The following SGCD variants were observed in gnomAD, a reference collection of about 807,000 sequenced individuals.
The protein encoded by SGCD is sarcoglycan delta, also known as delta-sarcoglycan.
A neutral mutation model predicts 36.6 loss-of-function variants in SGCD; 18 were observed. That is an observed-to-expected ratio of 0.49 (90% CI 0.34 to 0.73). The LOEUF (loss-of-function observed/expected upper bound fraction) is 0.73, where lower values mean the gene tolerates loss of function less well. Among genes scored for constraint, SGCD ranks in the 30% least tolerant of loss-of-function variants. The pLI is 0.01. For synonymous variants in SGCD, 133 were observed against 130.6 expected (o/e 1.02, Z -0.12); for missense variants, 387 against 346.7 (o/e 1.12, Z -0.92).
chr5:155,847,700 A>G, the SGCD span, among the ~76,000 whole-genome samples: 2 of 152,184 alleles, frequency 1.3e-5, no homozygotes, highest in African/African-American at 4.8e-5. Context: ...AGCCACTTGG[A>G]AAGGCGAAAG....
At chr5:156,514,029 T>C (rs1489539351) in intron 4 of SGCD, among the ~76,000 whole-genome samples, 1 of 152,234 alleles carries the variant, frequency 6.6e-6, no homozygotes, top group Non-Finnish European at 1.5e-5. Context: ...TATACAACTC[T>C]ATGTTTGAAT....
At chr5:156,173,594 A>G (rs1379116720) in intron 3 of SGCD, among the ~76,000 whole-genome samples, 4 of 152,202 alleles carry the variant, frequency 2.6e-5, no homozygotes, top group East Asian at 3.8e-4. Context: ...GTTTCAATAC[A>G]TAAGTTATCA....
At chr5:156,014,289 C>T (rs1026883545) in intron 1 of SGCD, among the ~76,000 whole-genome samples, 1 of 152,034 alleles carries the variant, frequency 6.6e-6, no homozygotes, top group African/African-American at 2.4e-5. Context: ...TAAATGTAGA[C>T]CCCTCTCCTT....
intron 7 of SGCD, among the ~76,000 whole-genome samples, chr5:156,715,864 A>C (rs1179044572): frequency 3.9e-5 from 6 of 152,158 alleles, no homozygotes. Context: ...CCACTGTGCC[A>C]AGGTGTTCTT....
At chr5:155,980,343 T>G (rs957193711) in intron 1 of SGCD, among the ~76,000 whole-genome samples, 1 of 151,888 alleles carries the variant, frequency 6.6e-6, no homozygotes, top group Non-Finnish European at 1.5e-5. Flanking sequence ...CCCAGCACTT[T>G]GGTAGGCCTA....
chr5:156,448,628 A>G (rs1388338837), intron 3 of SGCD, among the ~76,000 whole-genome samples: 2 of 151,572 alleles, frequency 1.3e-5, no homozygotes, highest in Non-Finnish European at 2.9e-5. Flanking sequence ...CCCTCTTGGC[A>G]GTTGCCTGTT....
chr5:155,974,605 T>C (rs1758072772), intron 1 of SGCD, among the ~76,000 whole-genome samples: 1 of 150,414 alleles, frequency 6.6e-6, no homozygotes, highest in Non-Finnish European at 1.5e-5. Context: ...TGCTACTGGC[T>C]GTCCAGTGAG....
At chr5:156,148,405 G>T (rs1399606352) in intron 3 of SGCD, among the ~76,000 whole-genome samples, 2 of 152,094 alleles carry the variant, frequency 1.3e-5, no homozygotes, top group African/African-American at 4.8e-5. Flanking sequence ...GAGTGGTCCT[G>T]GCAGCTGTTT....
chr5:156,478,617 G>T (rs1046970723), intron 3 of SGCD, among the ~76,000 whole-genome samples: 1 of 152,126 alleles, frequency 6.6e-6, no homozygotes, highest in African/African-American at 2.4e-5. Flanking sequence ...GTCTCGCTGT[G>T]TCTCCCAGGC....
At chr5:156,738,955 G>A (rs186954892) in intron 7 of SGCD, among the ~76,000 whole-genome samples, 1 of 152,194 alleles carries the variant, frequency 6.6e-6, no homozygotes, top group African/African-American at 2.4e-5. Flanking sequence ...TGAAGCTCAA[G>A]CTTTAAAGAA....
chr5:155,976,586 T>C (rs1758117513), intron 1 of SGCD, among the ~76,000 whole-genome samples: 1 of 152,220 alleles, frequency 6.6e-6, no homozygotes. Context: ...GTAAGTATTC[T>C]TGTTTTCTTC....
At position 156,358,639 on chromosome 5, in the gene SGCD, G is replaced by A. The variant is rs73815043; in HGVS notation, c.192+13962G>A. 1.2e-3 allele frequency among the ~76,000 whole-genome samples: 188 copies of A among 152,286 alleles called. 2 individuals carry two copies. The highest frequency in any genetic ancestry group is 4.4e-3 in the African/African-American group (184 of 41,546). ...CTATCTGTCTAATGGGGAAGGGATT[G>A]GAATTACTAACACAATCAAATAAAT... On this transcript the variant is annotated intron_variant, in intron 3 of 8. Transcript: ENST00000337851.
chr5:156,752,568 C>T (rs150456842), intron 7 of SGCD, among the ~76,000 whole-genome samples: 90 of 152,090 alleles, frequency 5.9e-4, no homozygotes, highest in African/African-American at 2.1e-3. Context: ...AATTTTTTTC[C>T]ATTTAGTAGA....
intron 3 of SGCD, among the ~76,000 whole-genome samples, chr5:156,319,090 A>T (rs1264674441): frequency 6.6e-6 from 1 of 152,204 alleles, no homozygotes; most frequent in Non-Finnish European, 1.5e-5. Flanking sequence ...TTTACATGAA[A>T]TATATTTCTT....
intron 3 of SGCD, among the ~76,000 whole-genome samples, chr5:156,423,352 T>A (rs1420749016): frequency 4.5e-5 from 1 of 22,346 alleles, no homozygotes; most frequent in African/African-American, 1.5e-4. Context: ...ATATTATAAT[T>A]TTATTATAAT....
At chr5:155,796,700 G>A in the SGCD span, among the ~76,000 whole-genome samples, 1 of 150,848 alleles carries the variant, frequency 6.6e-6, no homozygotes, top group Non-Finnish European at 1.5e-5. Flanking sequence ...CAGCTGCTTG[G>A]GAGGCTGAGG....
intron 3 of SGCD, among the ~76,000 whole-genome samples, chr5:156,196,239 T>C (rs549840808): frequency 9.7e-4 from 148 of 152,314 alleles, no homozygotes; most frequent in African/African-American, 3.5e-3. Context: ...ATTCCATCTG[T>C]TAAAATAATT....
At chr5:155,768,782 T>C in the SGCD span, among the ~76,000 whole-genome samples, 1 of 152,148 alleles carries the variant, frequency 6.6e-6, no homozygotes, top group Non-Finnish European at 1.5e-5. Context: ...TCCTCTTGTT[T>C]TACATGTTGT....
At chr5:155,919,507 G>A (rs1439913721) in intron 1 of SGCD, among the ~76,000 whole-genome samples, 1 of 151,946 alleles carries the variant, frequency 6.6e-6, no homozygotes, top group Non-Finnish European at 1.5e-5. Context: ...TTCCTCTCGG[G>A]TAAACTGCTT....
Sources: allele counts gnomAD v4.1 joint callset (sites outside exome capture counted in the v4.1 genomes callset), GRCh38; gene constraint gnomAD v4.1.1; transcripts MANE v1.5; gene names NCBI Gene and HGNC (gene_info 2026-07-23, HGNC 2026-07-21).